Variants in PTPRR observed in about 807,000 individuals in gnomAD.
The protein encoded by PTPRR is receptor-type tyrosine-protein phosphatase R.
In PTPRR, 38 loss-of-function variants were observed where a neutral mutation model predicts 77.2. The ratio of observed to expected loss-of-function variants is 0.49; its 90% CI spans 0.38 to 0.65. The LOEUF is 0.65. PTPRR is among the 30% of genes least tolerant of loss of function. PTPRR has a pLI of 0.00. For missense variants in PTPRR, 744 were observed against 799.2 expected (o/e 0.93, Z 0.83); for synonymous variants, 299 against 283.1 (o/e 1.06, Z -0.57).
intron 2 of PTPRR, among the ~76,000 whole-genome samples, chr12:70,887,375 C>G (rs945179977): frequency 2.6e-5 from 4 of 152,044 alleles, no homozygotes; most frequent in African/African-American, 9.7e-5. Context: ...TTGCTTGAAC[C>G]CAGGAGGCGA....
At chr12:70,663,579 CATT>C (rs1050370438) in intron 10 of PTPRR, among the ~76,000 whole-genome samples, 31 of 151,776 alleles carry the variant, frequency 2.0e-4, no homozygotes, top group African/African-American at 7.2e-4. Context: ...AGTCAGTTAT[CATT>C]ATTAAATAAA....
At chr12:70,855,312 A>T (rs1892633970) in intron 2 of PTPRR, among the ~76,000 whole-genome samples, 1 of 152,222 alleles carries the variant, frequency 6.6e-6, no homozygotes, top group South Asian at 2.1e-4. Flanking sequence ...AATAGTTATC[A>T]TATGGGGTGA....
intron 6 of PTPRR, among the ~76,000 whole-genome samples, chr12:70,707,395 G>A (rs1888657240): frequency 6.6e-6 from 1 of 151,742 alleles, no homozygotes; most frequent in Admixed American, 6.6e-5. Flanking sequence ...AGTAGGCACA[G>A]AACCATTGCA....
At chr12:70,850,376 A>G (rs889845853) in intron 2 of PTPRR, among the ~76,000 whole-genome samples, 2 of 151,968 alleles carry the variant, frequency 1.3e-5, no homozygotes, top group African/African-American at 4.8e-5. Flanking sequence ...AAAAAATAAA[A>G]GGTAATTTTG....
At chr12:70,681,318 G>A (rs1386660286) in intron 10 of PTPRR, among the ~76,000 whole-genome samples, 1 of 152,188 alleles carries the variant, frequency 6.6e-6, no homozygotes, top group Non-Finnish European at 1.5e-5. Context: ...ACAGGGATGA[G>A]GGGATACAAT....
intron 2 of PTPRR, among the ~76,000 whole-genome samples, chr12:70,809,358 C>T (rs1441473131): frequency 6.6e-6 from 1 of 152,102 alleles, no homozygotes; most frequent in Non-Finnish European, 1.5e-5. Flanking sequence ...CAGGATTGCT[C>T]ATGTGTAGAT....
chr12:70,693,379 C>T (rs539269826), intron 8 of PTPRR, among the ~76,000 whole-genome samples: 2 of 152,208 alleles, frequency 1.3e-5, no homozygotes, highest in Admixed American at 6.5e-5. Flanking sequence ...TCACTGCGAC[C>T]TCAACCTCCC....
intron 13 of PTPRR, 73 bp from the exon 14 acceptor site, chr12:70,639,350 C>A (rs1275647977): frequency 1.0e-5 from 16 of 1,534,972 alleles, no homozygotes; most frequent in Non-Finnish European, 1.3e-5. Context: ...GAGATTTCAT[C>A]CAAGCTAGGG....
intron 2 of PTPRR, among the ~76,000 whole-genome samples, chr12:70,869,748 G>C (rs1435464703): frequency 6.6e-6 from 1 of 152,136 alleles, no homozygotes; most frequent in Non-Finnish European, 1.5e-5. Context: ...GCCAAGGAAT[G>C]AGGTGGTCTA....
At chr12:70,876,884 G>C (rs181055825) in intron 2 of PTPRR, among the ~76,000 whole-genome samples, 2 of 152,184 alleles carry the variant, frequency 1.3e-5, no homozygotes, top group African/African-American at 2.4e-5. Flanking sequence ...GATAAGAGGT[G>C]AACATATGGC....
intron 2 of PTPRR, among the ~76,000 whole-genome samples, chr12:70,798,476 T>C (rs1891554903): frequency 6.6e-6 from 1 of 152,242 alleles, no homozygotes; most frequent in South Asian, 2.1e-4. Flanking sequence ...CTTTTCCTAC[T>C]GCTTTTACAA....
At chr12:70,891,274 A>G (rs1036230518) in intron 2 of PTPRR, among the ~76,000 whole-genome samples, 6 of 152,162 alleles carry the variant, frequency 3.9e-5, no homozygotes, top group African/African-American at 1.4e-4. Context: ...ATTACAAGAT[A>G]GAACAAGCCT....
chr12:70,898,690 T>C (rs1893478688), intron 1 of PTPRR, among the ~76,000 whole-genome samples: 1 of 150,574 alleles, frequency 6.6e-6, no homozygotes, highest in South Asian at 2.1e-4. Flanking sequence ...GCTTCCACTT[T>C]AAGAAACAAG....
intron 6 of PTPRR, among the ~76,000 whole-genome samples, chr12:70,742,347 T>C (rs1890075047): frequency 6.6e-6 from 1 of 152,208 alleles, no homozygotes; most frequent in African/African-American, 2.4e-5. Flanking sequence ...GTTTTTTTGA[T>C]TTGTAGACCC....
chr12:70,774,472 A>G (rs1285007807), intron 2 of PTPRR, among the ~76,000 whole-genome samples: 1 of 152,248 alleles, frequency 6.6e-6, no homozygotes, highest in East Asian at 1.9e-4. Context: ...AAAATATGAA[A>G]GCTGTACAAA....
chr12:70,901,677 T>C (rs1893536499), intron 1 of PTPRR, among the ~76,000 whole-genome samples: 1 of 151,558 alleles, frequency 6.6e-6, no homozygotes, highest in African/African-American at 2.4e-5. Flanking sequence ...GAAAAACCCT[T>C]CTAGATATTG....
intron 1 of PTPRR, among the ~76,000 whole-genome samples, chr12:70,898,555 A>AT (rs1430215507): frequency 6.7e-6 from 1 of 148,934 alleles, no homozygotes; most frequent in Non-Finnish European, 1.5e-5. Context: ...AAATATATAT[A>AT]TACACACATA....
At chr12:70,700,993 G>C (rs758870321) in intron 7 of PTPRR, 144 bp downstream of exon 7, 4 of 799,604 alleles carry the variant, frequency 5.0e-6, no homozygotes, top group Admixed American at 5.5e-5. Flanking sequence ...TAGTGGATGA[G>C]ACTGAGTGAA....
chr12:70,787,078 A>C (rs1159510802), intron 2 of PTPRR, among the ~76,000 whole-genome samples: 1 of 152,212 alleles, frequency 6.6e-6, no homozygotes, highest in African/African-American at 2.4e-5. Flanking sequence ...CTAGAAAAGA[A>C]AGATTCTGAG....
Sources: gnomAD v4.1 joint callset for allele counts (sites outside exome capture counted in the v4.1 genomes callset) on GRCh38, gnomAD v4.1.1 for gene constraint, MANE v1.5 for transcripts, NCBI Gene and HGNC (gene_info 2026-07-23, HGNC 2026-07-21) for gene names.